Variants in TRUB1 observed in about 807,000 individuals in gnomAD.
TRUB1 encodes the protein pseudouridylate synthase TRUB1.
In TRUB1, 23 loss-of-function variants were observed where a neutral mutation model predicts 33.9. The observed-to-expected ratio is 0.68, with a 90% CI of 0.49 to 0.96. The LOEUF is 0.96. Ranked by LOEUF, TRUB1 falls within the 40% of genes least tolerant of loss-of-function variation. TRUB1 has a pLI of 0.00. For synonymous variants in TRUB1, 163 were observed against 165.4 expected, an observed-to-expected ratio of 0.99 and a Z score of 0.11; for missense variants, 378 against 422.2, an observed-to-expected ratio of 0.90 and a Z score of 0.92.
intron 2 of TRUB1, among the ~76,000 whole-genome samples, chr10:114,947,991 T>C (rs964333934): frequency 1.3e-5 from 2 of 152,268 alleles, no homozygotes; most frequent in Non-Finnish European, 2.9e-5. Context: ...AGTCCATGCC[T>C]GTCCTAAAGA....
Position 114,938,234 on chromosome 10 carries a change from C to T in TRUB1, c.-20C>T, listed in dbSNP as rs763281166. ...ATCAGCGTGCACCTCCACGATGAAACAGGTCTGGGCTACAAAAGTATGGCC... is the reference window on the plus strand; with the variant it reads ...ATCAGCGTGCACCTCCACGATGAAATAGGTCTGGGCTACAAAAGTATGGCC... On this transcript the variant is annotated 5_prime_UTR_variant, in exon 1 of 8. An upstream open reading frame in the 5' UTR gains an earlier in-frame stop. Transcript: ENST00000298746. 10 of 1,607,762 alleles carry T rather than the reference C, an allele frequency of 6.2e-6. No individual in the cohort carries two copies. The South Asian group carries it at 6.7e-5, about 11-fold the overall frequency.
chr10:114,946,767 T>C (rs1177911196), intron 2 of TRUB1, among the ~76,000 whole-genome samples: 2 of 152,318 alleles, frequency 1.3e-5, no homozygotes, highest in Admixed American at 1.3e-4. Context: ...AGAATTTAGC[T>C]GACAATTTAA....
intron 2 of TRUB1, among the ~76,000 whole-genome samples, chr10:114,943,767 T>C (rs543344128): frequency 6.6e-6 from 1 of 152,270 alleles, no homozygotes; most frequent in Admixed American, 6.5e-5. Context: ...TTCTGAGCTA[T>C]ATATCAATCT....
chr10:114,959,358 C>T (rs1297883719), intron 3 of TRUB1, among the ~76,000 whole-genome samples: 3 of 152,056 alleles, frequency 2.0e-5, no homozygotes, highest in African/African-American at 7.2e-5. Context: ...ACCATGGAGT[C>T]AAGGCTATTG....
chr10:114,942,814 G>C (rs1179932424), intron 2 of TRUB1, 71 bp downstream of exon 2: 1 of 1,002,228 alleles, frequency 1.0e-6, no homozygotes, highest in East Asian at 2.4e-5. Context: ...GTTGAGAACA[G>C]ATAGATTGAC....
Position 114,959,662 on chromosome 10 carries a change from A to T in TRUB1, c.442-64A>T, listed in dbSNP as rs2084276769. 13 of 1,021,084 alleles carry T rather than the reference A, an allele frequency of 1.3e-5. No homozygotes were observed. The South Asian group carries it at 1.7e-4, about 13-fold the overall frequency. 63.3% of individuals were successfully genotyped at this position (1,021,084 alleles called of 1,614,324 possible). On this transcript the variant is annotated intron_variant, in intron 3 of 7. Transcript: ENST00000298746. ...GTAGTGAAATTCTGTGTAAACTTCA[A>T]GACATGCATAACAGTTTTTGTTTGC...
At chr10:114,967,510 AAAT>A (rs768373915) in intron 4 of TRUB1, among the ~76,000 whole-genome samples, 50 of 152,222 alleles carry the variant, frequency 3.3e-4, no homozygotes, top group Non-Finnish European at 6.3e-4. Flanking sequence ...AATTTTAAGC[AAAT>A]AATGATGTAT....
At chr10:114,948,962 A>C (rs1269590019) in intron 2 of TRUB1, among the ~76,000 whole-genome samples, 1 of 152,214 alleles carries the variant, frequency 6.6e-6, no homozygotes, top group Non-Finnish European at 1.5e-5. Context: ...GGCCTAATAC[A>C]AACTCCGAAA....
At chr10:114,971,121 A>G (rs1211485568) in intron 5 of TRUB1, among the ~76,000 whole-genome samples, 1 of 152,126 alleles carries the variant, frequency 6.6e-6, no homozygotes, top group African/African-American at 2.4e-5. Context: ...GTATCCTCCT[A>G]GTAGAAGGGG....
At chr10:114,973,968 G>A (rs2084347768) in intron 6 of TRUB1, among the ~76,000 whole-genome samples, 1 of 152,084 alleles carries the variant, frequency 6.6e-6, no homozygotes, top group East Asian at 1.9e-4. Context: ...CCTATTAAAT[G>A]AACAAGGCAT....
At chr10:114,952,235 TC>T (rs1159104730) in intron 3 of TRUB1, among the ~76,000 whole-genome samples, 1 of 151,830 alleles carries the variant, frequency 6.6e-6, no homozygotes, top group Non-Finnish European at 1.5e-5. Context: ...GGTCAGGATT[TC>T]GAGACCAGCC....
chr10:114,938,770 G>A (rs1237839010), intron 1 of TRUB1, among the ~76,000 whole-genome samples: 1 of 152,142 alleles, frequency 6.6e-6, no homozygotes, highest in East Asian at 1.9e-4. Context: ...AAAAAATCCC[G>A]TACTTACACA....
chr10:114,974,389 A>G lies in TRUB1; in HGVS notation c.793+4A>G. 2 of 1,609,504 alleles carry G rather than the reference A, an allele frequency of 1.2e-6. No individual in the cohort carries two copies. Among genetic ancestry groups the G allele is most frequent in the Non-Finnish European group, 1.7e-6 (2 of 1,176,344 alleles). ...TTGGTCAGTGACATTGGAAAAGGTA[A>G]GCATAAAAATGAATTATGAATTATC... On this transcript the variant is annotated splice_donor_region_variant and intron_variant, in intron 7 of 7. Coordinates refer to ENST00000298746, the MANE Select transcript of TRUB1 (RefSeq NM_139169.5).
chr10:114,946,833 A>T (rs1009382754), intron 2 of TRUB1, among the ~76,000 whole-genome samples: 1 of 152,180 alleles, frequency 6.6e-6, no homozygotes, highest in Non-Finnish European at 1.5e-5. Flanking sequence ...TAGAGGGTTC[A>T]CAAGTTTCTC....
intron 3 of TRUB1, among the ~76,000 whole-genome samples, chr10:114,953,692 GAA>G (rs896220332): frequency 6.6e-6 from 1 of 152,148 alleles, no homozygotes; most frequent in African/African-American, 2.4e-5. Flanking sequence ...AATTTATAAA[GAA>G]AAGAGGTTCA....
At chr10:114,961,214 G>A (rs1205936072) in intron 4 of TRUB1, among the ~76,000 whole-genome samples, 1 of 152,066 alleles carries the variant, frequency 6.6e-6, no homozygotes, top group Non-Finnish European at 1.5e-5. Flanking sequence ...TCATAGACAA[G>A]TCATGAGGCT....
intron 4 of TRUB1, among the ~76,000 whole-genome samples, chr10:114,967,369 G>T (rs930476890): frequency 2.0e-5 from 3 of 152,080 alleles, no homozygotes; most frequent in East Asian, 1.9e-4. Context: ...AGCTGTTTAT[G>T]GTGGCAAGAT....
intron 2 of TRUB1, among the ~76,000 whole-genome samples, chr10:114,944,751 G>A (rs1185142342): frequency 2.0e-5 from 3 of 152,140 alleles, no homozygotes; most frequent in East Asian, 1.9e-4. Context: ...TTGGGAGGCC[G>A]AGGTAGGTGG....
chr10:114,954,134 A>G (rs563561968), intron 3 of TRUB1, among the ~76,000 whole-genome samples: 1 of 151,764 alleles, frequency 6.6e-6, no homozygotes, highest in South Asian at 2.1e-4. Context: ...TTCACTTCCT[A>G]TTTTGACAGA....
Sources: gnomAD v4.1 joint callset for allele counts (sites outside exome capture counted in the v4.1 genomes callset) on GRCh38, gnomAD v4.1.1 for gene constraint, MANE v1.5 for transcripts, NCBI Gene and HGNC (gene_info 2026-07-23, HGNC 2026-07-21) for gene names.